Variants in AFG2A observed in about 807,000 individuals in gnomAD.
AFG2A encodes ATPase family gene 2 protein homolog A.
At chr4:123,237,609 G>T in the AFG2A span, among the ~76,000 whole-genome samples, 94,649 of 146,330 alleles carry the variant, frequency 0.65, 31,076 homozygotes, top group Admixed American at 0.7. Context: ...GGAGGTGGAG[G>T]TTGCAGTGAG....
At chr4:123,068,688 C>T in the AFG2A span, among the ~76,000 whole-genome samples, 509 of 152,204 alleles carry the variant, frequency 3.3e-3, 3 homozygotes, top group Middle Eastern at 0.014. Context: ...TCTTCATTCT[C>T]TTACCTCAGA....
the AFG2A span, among the ~76,000 whole-genome samples, chr4:123,132,896 T>G: frequency 6.6e-6 from 1 of 151,062 alleles, no homozygotes; most frequent in South Asian, 2.1e-4. Flanking sequence ...TTCTCCTGCC[T>G]CAGCCTCCCC....
the AFG2A span, among the ~76,000 whole-genome samples, chr4:123,238,292 C>T: frequency 1.3e-5 from 2 of 152,196 alleles, no homozygotes; most frequent in Non-Finnish European, 2.9e-5. Context: ...CAGACTTAAA[C>T]GTCCCTGTGT....
chr4:123,143,218 G>T, the AFG2A span, among the ~76,000 whole-genome samples: 15 of 150,302 alleles, frequency 1.0e-4, no homozygotes, highest in African/African-American at 3.6e-4. Context: ...ATACACACCC[G>T]ACTTTAGCAC....
the AFG2A span, among the ~76,000 whole-genome samples, chr4:122,939,738 G>A: frequency 1.3e-5 from 2 of 151,770 alleles, no homozygotes; most frequent in South Asian, 2.1e-4. Flanking sequence ...CCATTAACTC[G>A]TCGTTTAGCA....
the AFG2A span, among the ~76,000 whole-genome samples, chr4:122,993,569 G>A: frequency 6.6e-6 from 1 of 151,936 alleles, no homozygotes; most frequent in Non-Finnish European, 1.5e-5. Context: ...AAAAGTATAA[G>A]ACTAAAATGT....
chr4:123,057,704 T>A, the AFG2A span, among the ~76,000 whole-genome samples: 1 of 152,152 alleles, frequency 6.6e-6, no homozygotes, highest in African/African-American at 2.4e-5. Flanking sequence ...GGAATAAATG[T>A]TTCCTAAAGT....
chr4:123,311,542 G>T, the AFG2A span, among the ~76,000 whole-genome samples: 2 of 148,408 alleles, frequency 1.3e-5, no homozygotes, highest in Non-Finnish European at 3.0e-5. Flanking sequence ...CAGAAGAATC[G>T]CTTGAACCCA....
At chr4:123,243,595 C>T in the AFG2A span, among the ~76,000 whole-genome samples, 1 of 151,708 alleles carries the variant, frequency 6.6e-6, no homozygotes, top group Non-Finnish European at 1.5e-5. Context: ...TGGGGCCTGT[C>T]AGGTGGTGGG....
chr4:122,997,356 C>T, the AFG2A span, among the ~76,000 whole-genome samples: 2 of 152,144 alleles, frequency 1.3e-5, no homozygotes, highest in Non-Finnish European at 2.9e-5. Flanking sequence ...TTTGATTTGC[C>T]TGTTCTGTAC....
the AFG2A span, among the ~76,000 whole-genome samples, chr4:123,285,524 C>T: frequency 6.6e-6 from 1 of 152,282 alleles, no homozygotes; most frequent in African/African-American, 2.4e-5. Flanking sequence ...CCCTATGCCA[C>T]CTCTGTGCCT....
the AFG2A span, among the ~76,000 whole-genome samples, chr4:123,187,479 T>C: frequency 6.6e-6 from 1 of 152,178 alleles, no homozygotes; most frequent in East Asian, 1.9e-4. Flanking sequence ...AAGCACATCA[T>C]TTTTTTGTAA....
the AFG2A span, among the ~76,000 whole-genome samples, chr4:123,211,223 T>C: frequency 7.6e-3 from 1,165 of 152,296 alleles, 7 homozygotes; most frequent in Non-Finnish European, 0.012. Context: ...AGTGCTTATA[T>C]ATGTAAAAGT....
the AFG2A span, among the ~76,000 whole-genome samples, chr4:123,285,701 A>G: frequency 1.3e-5 from 2 of 152,154 alleles, no homozygotes. Flanking sequence ...CATCTGAGCT[A>G]TGGTGGGTAA....
chr4:123,116,130 C>T, the AFG2A span, among the ~76,000 whole-genome samples: 1 of 152,096 alleles, frequency 6.6e-6, no homozygotes, highest in Non-Finnish European at 1.5e-5. Flanking sequence ...AACTCCCAGG[C>T]TCTCACAGTC....
At chr4:123,041,182 C>G in the AFG2A span, among the ~76,000 whole-genome samples, 4 of 151,638 alleles carry the variant, frequency 2.6e-5, no homozygotes, top group Admixed American at 6.6e-5. Context: ...GCAATCTCAG[C>G]TCACTGCAAG....
At chr4:123,028,452 C>G in the AFG2A span, 1 of 1,408,452 alleles carries the variant, frequency 7.1e-7, no homozygotes, top group Non-Finnish European at 1.0e-6. Context: ...AACCCCCATT[C>G]TCTGACTCCT....
At chr4:123,235,750 C>G in the AFG2A span, among the ~76,000 whole-genome samples, 3 of 152,188 alleles carry the variant, frequency 2.0e-5, no homozygotes, top group Non-Finnish European at 4.4e-5. Flanking sequence ...GACTACAAAA[C>G]CACATTCCCA....
At chr4:123,138,572 T>C in the AFG2A span, among the ~76,000 whole-genome samples, 2 of 152,198 alleles carry the variant, frequency 1.3e-5, no homozygotes, top group Admixed American at 6.5e-5. Flanking sequence ...CCCACATAAT[T>C]GCAGTTAAAT....
Sources: allele counts gnomAD v4.1 joint callset (sites outside exome capture counted in the v4.1 genomes callset), GRCh38; gene constraint gnomAD v4.1.1; transcripts MANE v1.5; gene names NCBI Gene and HGNC (gene_info 2026-07-23, HGNC 2026-07-21).